The following SHE variants were observed in gnomAD, a reference collection of about 807,000 sequenced individuals.
SHE encodes the protein SH2 domain-containing adapter protein E.
SHE carries 11 observed loss-of-function variants against 49.8 expected under a neutral mutation model. The ratio of observed to expected loss-of-function variants is 0.22; its 90% confidence interval spans 0.14 to 0.37. The LOEUF (loss-of-function observed/expected upper bound fraction) is 0.37. SHE is among the 10% of genes least tolerant of loss of function. SHE has a pLI of 1.00. For missense variants in SHE, 624 were observed against 655.5 expected (o/e 0.95, Z 0.52); for synonymous variants, 310 against 278.1 (o/e 1.11, Z -1.14).
At chr1:154,486,768 T>C (rs1692193937) in intron 3 of SHE, 85 bp from the exon 4 acceptor site, 17 of 1,507,728 alleles carry the variant, frequency 1.1e-5, no homozygotes, top group Non-Finnish European at 1.4e-5. Flanking sequence ...TTGCCTGCCT[T>C]GGCTCAGGAA....
intron 3 of SHE, 91 bp from the exon 4 acceptor site, chr1:154,486,774 A>G: frequency 2.7e-6 from 4 of 1,457,130 alleles, no homozygotes; most frequent in East Asian, 4.6e-5. Context: ...GCCTTGGCTC[A>G]GGAAAGAAGC....
intron 2 of SHE, among the ~76,000 whole-genome samples, chr1:154,491,242 TAAG>T (rs1309195274): frequency 2.0e-5 from 3 of 152,228 alleles, no homozygotes; most frequent in African/African-American, 4.8e-5. Flanking sequence ...ACTGTTTACT[TAAG>T]AAGTGAAGAA....
intron 2 of SHE, among the ~76,000 whole-genome samples, chr1:154,493,447 A>G (rs1006029795): frequency 1.3e-5 from 2 of 152,194 alleles, no homozygotes; most frequent in Non-Finnish European, 2.9e-5. Context: ...GAAGGAGGAA[A>G]TGGCAAGAGG....
In SHE at chr1:154,481,879, T is replaced by TCAA; in HGVS notation, c.*2269_*2270insTTG. ...TTTGCTTGCTTGTTGAGACAGGGTC[T>TCAA]CACTCTGTCACTCAGGCTGGAGTGC... On this transcript the variant is annotated 3_prime_UTR_variant, in exon 6 of 6. Transcript: ENST00000304760. 3 of 786,472 alleles carry TCAA rather than the reference T, an allele frequency of 3.8e-6. No homozygotes were observed. Among genetic ancestry groups the TCAA allele is most frequent in the Non-Finnish European group, 4.6e-6 (3 of 648,504 alleles). The allele number at this position is 786,472 out of a possible 1,614,324, so 48.7% of individuals were successfully genotyped here.
chr1:154,488,998 G>C (rs771762435), intron 3 of SHE, 53 bp downstream of exon 3: 1 of 1,506,002 alleles, frequency 6.6e-7, no homozygotes. Flanking sequence ...GGGCTGATGC[G>C]GTGGCCAGAA....
At chr1:154,472,923 A>G (rs1439035571) in intron 1 of SHE, among the ~76,000 whole-genome samples, 3 of 151,988 alleles carry the variant, frequency 2.0e-5, no homozygotes, top group Non-Finnish European at 4.4e-5. Flanking sequence ...GCATTTTGGG[A>G]GGCCAAGGCA....
At position 154,480,670 on chromosome 1, in the gene SHE, G is replaced by C; in HGVS notation, c.*3479C>G. 1.0e-6 allele frequency: 1 copy of C among 985,362 alleles called. No homozygotes were observed. The highest frequency in any genetic ancestry group is 4.7e-5 in the South Asian group (1 of 21,292). 61.0% of individuals were successfully genotyped at this position (985,362 alleles called of 1,614,324 possible). A position where few individuals can be genotyped will look rare whatever the true frequency, so the allele number is the denominator to read the frequency against. ...TCTAAAATGCTTAAGAAAGTGCTTT[G>C]AATAACTTAAAATGACACTTCTGCC... is the stretch of plus-strand genomic sequence containing the variant. On this transcript the variant is annotated 3_prime_UTR_variant, in exon 6 of 6. Coordinates refer to ENST00000304760, the MANE Select transcript of SHE (RefSeq NM_001010846.3).
rs549476370 is a variant in SHE at position 154,498,066 on chromosome 1, A to G, written c.718+1046T>C. On this transcript the variant is annotated intron_variant, in intron 2 of 5. Transcript: ENST00000304760. The stretch of plus-strand genomic sequence containing the variant: ...TTGTTGAGAAAGTCTTCTACTACAA[A>G]ATACAGAATCACATCATGTTTGCAG... Among the ~76,000 whole-genome samples the G allele has an allele frequency of 1.6e-4, 24 of 151,828 alleles. 1 individual carries two copies. Among genetic ancestry groups the G allele is most frequent in the Admixed American group, 1.2e-3 (18 of 15,230 alleles).
chr1:154,498,089 C>A (rs1332423977), intron 2 of SHE, among the ~76,000 whole-genome samples: 1 of 151,036 alleles, frequency 6.6e-6, no homozygotes, highest in African/African-American at 2.4e-5. Context: ...ATCATGTTTG[C>A]AGTTTTTGTT....
In SHE at chr1:154,483,576, A is replaced by C; in HGVS notation, c.*573T>G. On this transcript the variant is annotated 3_prime_UTR_variant, in exon 6 of 6. Transcript: ENST00000304760. ...ACTTAACCTTCCTGAGGGTCACACC[A>C]TAAAAAGAACACCCTACCCCAGAGC... 1 of 985,622 alleles carries C rather than the reference A, an allele frequency of 1.0e-6. No homozygotes were observed. The highest frequency in any genetic ancestry group is 1.2e-6 in the Non-Finnish European group (1 of 830,098). The allele number at this position is 985,622 out of a possible 1,614,324, so 61.1% of individuals were successfully genotyped here.
chr1:154,481,332 C>T lies in SHE; in HGVS notation c.*2817G>A, dbSNP rs1416601528. On this transcript the variant is annotated 3_prime_UTR_variant, in exon 6 of 6. Coordinates refer to ENST00000304760, the MANE Select transcript of SHE (RefSeq NM_001010846.3). Reference sequence around the variant, plus strand: ...TTCCCACTAATTTACTATATTTCTTCTTATAACCTCCTGTACAACTGTAAA... The same window carrying T: ...TTCCCACTAATTTACTATATTTCTTTTTATAACCTCCTGTACAACTGTAAA... The T allele has an allele frequency of 2.0e-6, 2 of 985,328 alleles. No individual in the cohort carries two copies. Among genetic ancestry groups the T allele is most frequent in the Non-Finnish European group, 2.4e-6 (2 of 829,948 alleles). The allele number at this position is 985,328 out of a possible 1,614,324, so 61.0% of individuals were successfully genotyped here.
chr1:154,472,130 C>A (rs1387988820), intron 1 of SHE, among the ~76,000 whole-genome samples: 1 of 150,464 alleles, frequency 6.6e-6, no homozygotes, highest in African/African-American at 2.5e-5. Context: ...CACTCTGTCT[C>A]AAAAAAAAAA....
At chr1:154,492,224 A>G (rs1692389207) in intron 2 of SHE, among the ~76,000 whole-genome samples, 1 of 151,904 alleles carries the variant, frequency 6.6e-6, no homozygotes, top group African/African-American at 2.4e-5. Context: ...CATTGAAATC[A>G]CCCGCGGGCT....
chr1:154,476,098 T>C (rs1691869962), downstream of SHE, among the ~76,000 whole-genome samples: 1 of 152,198 alleles, frequency 6.6e-6, no homozygotes, highest in Admixed American at 6.5e-5. Context: ...ACAATCCTTG[T>C]ACTTTGGGAG....
At chr1:154,470,145 C>T in exon 2 of SHE, 2 of 393,714 alleles carry the variant, frequency 5.1e-6, no homozygotes, top group East Asian at 1.5e-4. Context: ...GGACACCATG[C>T]TCTCCTCTTT....
chr1:154,471,194 A>G (rs1382268325), intron 1 of SHE, among the ~76,000 whole-genome samples: 1 of 152,020 alleles, frequency 6.6e-6, no homozygotes, highest in African/African-American at 2.4e-5. Flanking sequence ...TCTTTATGGA[A>G]GTTCCCATCT....
chr1:154,487,189 T>C (rs1692205641), intron 3 of SHE, among the ~76,000 whole-genome samples: 1 of 151,558 alleles, frequency 6.6e-6, no homozygotes, highest in Non-Finnish European at 1.5e-5. Flanking sequence ...GGAGAATCAC[T>C]TGAACCCGGG....
In SHE at chr1:154,489,286, G is replaced by A. The variant is rs191201511; in HGVS notation, c.789C>T (p.Pro263=). 37 of 1,614,220 alleles carry A rather than the reference G, an allele frequency of 2.3e-5. No homozygotes were observed. The highest frequency in any genetic ancestry group is 4.5e-5 in the East Asian group (2 of 44,892). The change falls in exon 3 of 6, where the codon CCC becomes CCT. Residue 263 remains proline (P), a synonymous_variant. Transcript: ENST00000304760. ...ALQLLDSPCE[P]ADGGLKSETL... ...TCTCTGATTTCAGGCCACCGTCTGC[G>A]GGTTCACAGGGACTGTCAAGCAGCT... is the stretch of plus-strand genomic sequence containing the variant.
In SHE at chr1:154,489,237, T is replaced by C. The variant is rs1183747589; in HGVS notation, c.838A>G (p.Lys280Glu). ...TGTGGCGGCTTCCCCAGGAGGTCCT[T>C]GGAACTCCGTCTTTTGGCCAAGGTC... ...SETLAKRRSS[K>E]DLLGKPPQLY... The change falls in exon 3 of 6, where the codon AAG becomes GAG. Residue 280 changes from lysine (K) to glutamate (E), a missense_variant. Coordinates refer to ENST00000304760, the MANE Select transcript of SHE (RefSeq NM_001010846.3). The C allele has an allele frequency of 4.3e-6, 7 of 1,614,212 alleles. No individual in the cohort carries two copies. In the South Asian group the frequency reaches 5.5e-5, roughly 13 times the overall value.
Sources: gnomAD v4.1 joint callset for allele counts (sites outside exome capture counted in the v4.1 genomes callset) on GRCh38, gnomAD v4.1.1 for gene constraint, MANE v1.5 for transcripts, NCBI Gene and HGNC (gene_info 2026-07-23, HGNC 2026-07-21) for gene names.